The following CSNK1D variants were observed in gnomAD, a reference collection of about 807,000 sequenced individuals.
CSNK1D encodes the protein casein kinase I isoform delta.
In CSNK1D, 16 loss-of-function variants were observed where a neutral mutation model predicts 46.6. The observed-to-expected ratio is 0.34, with a 90% CI of 0.23 to 0.52. The LOEUF is 0.52. CSNK1D is among the 20% of genes least tolerant of loss of function. The pLI is 0.95. For synonymous variants in CSNK1D, 276 were observed against 228.2 expected, an observed-to-expected ratio of 1.21 and a Z score of -1.89; for missense variants, 398 against 578.4, an observed-to-expected ratio of 0.69 and a Z score of 3.20.
intron 8 of CSNK1D, chr17:82,247,564 C>T: frequency 1.0e-6 from 1 of 985,486 alleles, no homozygotes; most frequent in Non-Finnish European, 1.2e-6. Context: ...TACCATGGTT[C>T]AGGGGCTACA....
chr17:82,241,899 G>A (rs1029762854), downstream of CSNK1D, among the ~76,000 whole-genome samples: 5 of 152,354 alleles, frequency 3.3e-5, no homozygotes, highest in Admixed American at 1.3e-4. Flanking sequence ...GCCCCGGAAC[G>A]TGGGGCTCAG....
At position 82,252,215 on chromosome 17, in the gene CSNK1D, A is replaced by G. The variant is rs998823187; in HGVS notation, c.736+219T>C. ...GCCTGCCATCTCTCCAGGGCCTCCA[A>G]GTACTCCCCACGCTGATGGGCACTT... On this transcript the variant is annotated intron_variant, in intron 5 of 8. Coordinates refer to ENST00000314028, the MANE Select transcript of CSNK1D (RefSeq NM_001893.6). This position sits in a 1 kb window ranked among gnomAD's most constrained non-coding sequence, Gnocchi z 4.6. Among the ~76,000 whole-genome samples the G allele has an allele frequency of 5.9e-5, 9 of 152,194 alleles. No homozygotes were observed. The highest frequency in any genetic ancestry group is 2.2e-4 in the African/African-American group (9 of 41,466).
chr17:82,239,091 G>A (rs968412105), downstream of CSNK1D: 15 of 1,049,628 alleles, frequency 1.4e-5, no homozygotes, highest in East Asian at 2.6e-5. Context: ...TCCAGCTGCC[G>A]GCCCAGCGGA....
At chr17:82,253,528 C>T (rs1422210680) in intron 3 of CSNK1D, 9 of 443,644 alleles carry the variant, frequency 2.0e-5, no homozygotes, top group African/African-American at 1.0e-4. Flanking sequence ...CACTAGACAT[C>T]GGTCTCTCCC....
At chr17:82,267,367 C>T (rs547238780) in intron 1 of CSNK1D, among the ~76,000 whole-genome samples, 1 of 152,280 alleles carries the variant, frequency 6.6e-6, no homozygotes, top group South Asian at 2.1e-4. Flanking sequence ...CAAGTGAGCA[C>T]TAGAGCAGTC....
intron 2 of CSNK1D, among the ~76,000 whole-genome samples, chr17:82,259,129 C>A (rs1204586756): frequency 6.6e-6 from 1 of 152,192 alleles, no homozygotes; most frequent in Non-Finnish European, 1.5e-5. Flanking sequence ...GCAAATCTTC[C>A]TTAAATGTCC....
rs2050758127 is a variant in CSNK1D at position 82,242,681 on chromosome 17, T to TTATGAA, written c.*2094_*2099dup. 2.0e-6 allele frequency: 2 copies of TTATGAA among 985,254 alleles called. No homozygotes were observed. The highest frequency in any genetic ancestry group is 2.4e-6 in the Non-Finnish European group (2 of 829,860). The allele number at this position is 985,254 out of a possible 1,614,324, so 61.0% of individuals were successfully genotyped here. A position where few individuals can be genotyped will look rare whatever the true frequency, so the allele number is the denominator to read the frequency against. ...GGGGAGGGAAGAAAGGTAGAAGTCA[T>TTATGAA]TATGAATTTATTATTTACACGATTG... On this transcript the variant is annotated 3_prime_UTR_variant, in exon 9 of 9. Transcript: ENST00000314028.
chr17:82,240,877 C>T (rs1249135150), downstream of CSNK1D, among the ~76,000 whole-genome samples: 1 of 152,120 alleles, frequency 6.6e-6, no homozygotes, highest in Non-Finnish European at 1.5e-5. Flanking sequence ...CAGCTGGTGC[C>T]TTTAAAGGAG....
intron 8 of CSNK1D, 49 bp from the exon 9 acceptor site, chr17:82,244,880 C>G (rs202062937): frequency 6.2e-7 from 1 of 1,612,128 alleles, no homozygotes; most frequent in Non-Finnish European, 8.5e-7. Flanking sequence ...CTGGGGGAGC[C>G]GGCCAGGCAG....
At position 82,249,767 on chromosome 17, in the gene CSNK1D, A is replaced by G; in HGVS notation, c.886-165T>C. ...TGCACGTTTCTCCTCATGGGATGAC[A>G]GCATCATCCCCACAAGGGGTCAGAG... On this transcript the variant is annotated intron_variant, in intron 6 of 8. Coordinates refer to ENST00000314028, the MANE Select transcript of CSNK1D (RefSeq NM_001893.6). This position sits in a 1 kb window ranked among gnomAD's most constrained non-coding sequence, Gnocchi z 6.7. 4 of 1,475,498 alleles carry G rather than the reference A, an allele frequency of 2.7e-6. No homozygotes were observed. The highest frequency in any genetic ancestry group is 3.6e-6 in the Non-Finnish European group (4 of 1,114,714). 91.4% of individuals were successfully genotyped at this position (1,475,498 alleles called of 1,614,324 possible).
rs759197315 is a variant in CSNK1D at position 82,252,635 on chromosome 17, G to A, written c.566-31C>T. 28 of 1,607,242 alleles carry A rather than the reference G, an allele frequency of 1.7e-5. No homozygotes were observed. Among genetic ancestry groups the A allele is most frequent in the South Asian group, 5.5e-5 (5 of 90,666 alleles). On this transcript the variant is annotated intron_variant, in intron 4 of 8. Transcript: ENST00000314028. This position sits in a 1 kb window ranked among gnomAD's most constrained non-coding sequence, Gnocchi z 4.6. Reference sequence around the variant, plus strand: ...AAGAAAAGGGAAAGGCGTGAAGAACGGCACTTGCGTGCTCACGTCAAAGCA... The same window carrying A: ...AAGAAAAGGGAAAGGCGTGAAGAACAGCACTTGCGTGCTCACGTCAAAGCA...
intron 2 of CSNK1D, among the ~76,000 whole-genome samples, chr17:82,264,928 G>A (rs2051430218): frequency 1.3e-5 from 2 of 151,470 alleles, no homozygotes; most frequent in Admixed American, 1.3e-4. Flanking sequence ...CTCCCAAGTA[G>A]CTGGGACTAC....
At position 82,244,704 on chromosome 17, in the gene CSNK1D, G is replaced by C. The variant is rs139129912; in HGVS notation, c.*77C>G. 1 of 1,610,282 alleles carries C rather than the reference G, an allele frequency of 6.2e-7. No homozygotes were observed. The highest frequency in any genetic ancestry group is 1.3e-5 in the African/African-American group (1 of 75,022). On this transcript the variant is annotated 3_prime_UTR_variant, in exon 9 of 9. Coordinates refer to ENST00000314028, the MANE Select transcript of CSNK1D (RefSeq NM_001893.6). ...ACATTTCGATCCTAGACCGGGGGAC[G>C]TGTCACTAGTAAAGCCATTGGTAAC... is the stretch of plus-strand genomic sequence containing the variant.
At chr17:82,239,028 G>A (rs914265273), downstream of CSNK1D, 35 of 1,473,308 alleles carry the variant, frequency 2.4e-5, no homozygotes, top group African/African-American at 4.2e-5. Flanking sequence ...AGCCGGCAAC[G>A]CTTGCTATTT....
Position 82,255,385 on chromosome 17 carries a change from A to G in CSNK1D, c.336+44T>C, listed in dbSNP as rs2051151762. On this transcript the variant is annotated intron_variant, in intron 3 of 8. Transcript: ENST00000314028. This position sits in a 1 kb window ranked among gnomAD's most constrained non-coding sequence, Gnocchi z 5.9. Reference sequence around the variant, plus strand: ...ACAGCACAAGCGAGTGGCTGATTCTATCAGACAGCAAGTGTGTGCCAACTG... The same window carrying G: ...ACAGCACAAGCGAGTGGCTGATTCTGTCAGACAGCAAGTGTGTGCCAACTG... 1.2e-6 allele frequency: 2 copies of G among 1,610,492 alleles called. No homozygotes were observed. The highest frequency in any genetic ancestry group is 1.7e-6 in the Non-Finnish European group (2 of 1,176,752).
chr17:82,273,716 A>C, upstream of CSNK1D: 3 of 467,138 alleles, frequency 6.4e-6, no homozygotes, highest in Admixed American at 4.3e-5. This position sits in a 1 kb window ranked among gnomAD's most constrained non-coding sequence, Gnocchi z 5.1. Context: ...CACTTCCCCT[A>C]GCAACCCGGC....
intron 2 of CSNK1D, chr17:82,261,240 G>C (rs1405045673): frequency 6.5e-6 from 1 of 154,088 alleles, no homozygotes; most frequent in Non-Finnish European, 1.5e-5. Flanking sequence ...TGAAGCCAAT[G>C]GGTTTGAAAA....
chr17:82,253,575 G>A, intron 3 of CSNK1D: 1 of 379,884 alleles, frequency 2.6e-6, no homozygotes, highest in South Asian at 2.1e-5. Context: ...ACCAGGATTA[G>A]CAGAGAAACT....
At chr17:82,240,660 C>T (rs759638893), downstream of CSNK1D, among the ~76,000 whole-genome samples, 2 of 152,214 alleles carry the variant, frequency 1.3e-5, no homozygotes, top group African/African-American at 2.4e-5. Flanking sequence ...CCCACACCCA[C>T]AGCACACAGC....
Sources: allele counts gnomAD v4.1 joint callset (sites outside exome capture counted in the v4.1 genomes callset), GRCh38; gene constraint gnomAD v4.1.1; non-coding constraint Gnocchi (gnomAD v3.1); transcripts MANE v1.5; gene names NCBI Gene and HGNC (gene_info 2026-07-23, HGNC 2026-07-21).